UGT2A1: variants seen among roughly 807,000 people sequenced by gnomAD.
The protein encoded by UGT2A1 is UDP-glucuronosyltransferase 2A1.
In UGT2A1, 61 loss-of-function variants were observed where a neutral mutation model predicts 45.4. That is an observed-to-expected ratio of 1.34 (90% CI 1.09 to 1.66). UGT2A1 has a LOEUF of 1.66. Ranked by LOEUF, UGT2A1 falls within the 40% of genes most tolerant of loss-of-function variation. UGT2A1 has a pLI of 0.00. For missense variants in UGT2A1, 649 were observed against 574.3 expected (o/e 1.13, Z -1.33); for synonymous variants, 229 against 196.2 (o/e 1.17, Z -1.40).
chr4:69,645,508 C>G (rs1198961870), intron 2 of UGT2A1, among the ~76,000 whole-genome samples: 1 of 151,700 alleles, frequency 6.6e-6, no homozygotes, highest in Non-Finnish European at 1.5e-5. Flanking sequence ...CACCTGCTCT[C>G]CCAATTGTGT....
chr4:69,614,006 G>T (rs577960532), intron 3 of UGT2A1, among the ~76,000 whole-genome samples: 4 of 151,924 alleles, frequency 2.6e-5, no homozygotes, highest in Non-Finnish European at 4.4e-5. Flanking sequence ...GAAGTAAAGG[G>T]CATTCAAATT....
At chr4:69,626,800 G>A (rs1196470861) in intron 3 of UGT2A1, among the ~76,000 whole-genome samples, 1 of 151,578 alleles carries the variant, frequency 6.6e-6, no homozygotes, top group Non-Finnish European at 1.5e-5. Context: ...TTTATTTTAT[G>A]TGTTCTATTC....
At chr4:69,639,416 A>C (rs923871619) in intron 2 of UGT2A1, 3 of 1,613,222 alleles carry the variant, frequency 1.9e-6, no homozygotes, top group African/African-American at 2.7e-5. Flanking sequence ...TCACAGGAGA[A>C]TCGGGATTGG....
At chr4:69,617,469 G>A (rs532476561) in intron 3 of UGT2A1, among the ~76,000 whole-genome samples, 12 of 151,884 alleles carry the variant, frequency 7.9e-5, no homozygotes, top group African/African-American at 2.4e-4. Context: ...TTATGTGTAC[G>A]TATATACGTA....
intron 3 of UGT2A1, among the ~76,000 whole-genome samples, chr4:69,622,768 C>G (rs2109939338): frequency 6.6e-6 from 1 of 151,746 alleles, no homozygotes. Flanking sequence ...CTTCACATGA[C>G]CCATAGGGTC....
At chr4:69,639,159 A>C in intron 2 of UGT2A1, 1 of 1,613,696 alleles carries the variant, frequency 6.2e-7, no homozygotes, top group Non-Finnish European at 8.5e-7. Context: ...ACAGATTGTT[A>C]CTGGGTCTGC....
intron 1 of UGT2A1, among the ~76,000 whole-genome samples, chr4:69,650,718 A>G (rs2109984331): frequency 6.6e-6 from 1 of 152,252 alleles, no homozygotes; most frequent in South Asian, 2.1e-4. Context: ...AGTGACGTTT[A>G]AAAATATACT....
chr4:69,622,799 A>C (rs1298879289), intron 3 of UGT2A1, among the ~76,000 whole-genome samples: 1 of 151,768 alleles, frequency 6.6e-6, no homozygotes, highest in Non-Finnish European at 1.5e-5. Flanking sequence ...TAGACGTTCA[A>C]GGTCCTCAAA....
rs368655836 is a variant in UGT2A1, at chr4:69,608,757, G to A, written c.848-9363C>T. On this transcript the variant is annotated intron_variant, in intron 3 of 6. Transcript: ENST00000286604. Reference sequence around the variant, plus strand: ...GTTGCCCAGGCTGGAGTGCAGTGGCGCCATCTCAGCTCACTGCAACCTCTG... The same window carrying A: ...GTTGCCCAGGCTGGAGTGCAGTGGCACCATCTCAGCTCACTGCAACCTCTG... 2.7e-4 allele frequency among the ~76,000 whole-genome samples: 41 copies of A among 152,028 alleles called. No individual in the cohort carries two copies. The South Asian group carries it at 6.4e-3, about 24-fold the overall frequency.
intron 4 of UGT2A1, among the ~76,000 whole-genome samples, chr4:69,597,175 C>A (rs1319811): frequency 0.65 from 98,022 of 151,896 alleles, 31,982 homozygotes; most frequent in East Asian, 0.74. Flanking sequence ...TCCTTTGATT[C>A]ATAGGTCTAA....
intron 1 of UGT2A1, among the ~76,000 whole-genome samples, chr4:69,651,964 C>T (rs550999150): frequency 7.9e-5 from 12 of 152,282 alleles, no homozygotes; most frequent in Admixed American, 3.9e-4. Context: ...CGAGGTTAAA[C>T]GGGGCACTTC....
chr4:69,628,009 C>A (rs368251766), intron 3 of UGT2A1, among the ~76,000 whole-genome samples: 276 of 151,958 alleles, frequency 1.8e-3, no homozygotes, highest in African/African-American at 6.4e-3. Flanking sequence ...TGGCCAGAAG[C>A]TATTTTAGGT....
At chr4:69,626,006 C>T (rs1721035474) in intron 3 of UGT2A1, among the ~76,000 whole-genome samples, 1 of 151,482 alleles carries the variant, frequency 6.6e-6, no homozygotes, top group Non-Finnish European at 1.5e-5. Context: ...TTTTAGAGTA[C>T]TTGTCTACTA....
At chr4:69,635,587 T>G (rs1029139902) in intron 3 of UGT2A1, 104 bp downstream of exon 3, 1 of 168,706 alleles carries the variant, frequency 5.9e-6, no homozygotes, top group African/African-American at 2.4e-5. Context: ...CCCAGCAATT[T>G]GTGAGGCCAA....
intron 6 of UGT2A1, among the ~76,000 whole-genome samples, chr4:69,592,168 A>C (rs1204318726): frequency 1.3e-5 from 2 of 152,138 alleles, no homozygotes; most frequent in Non-Finnish European, 2.9e-5. Context: ...CGTTAAGAAA[A>C]AGCACTAAAT....
intron 3 of UGT2A1, among the ~76,000 whole-genome samples, chr4:69,605,848 G>A (rs1268805138): frequency 5.1e-5 from 7 of 136,288 alleles, no homozygotes; most frequent in Non-Finnish European, 7.8e-5. Flanking sequence ...TCCTTGACAC[G>A]TACACCCTCC....
intron 3 of UGT2A1, among the ~76,000 whole-genome samples, chr4:69,627,396 A>G (rs1442510062): frequency 6.6e-6 from 1 of 151,806 alleles, no homozygotes; most frequent in African/African-American, 2.4e-5. Flanking sequence ...GATTCATATG[A>G]TTTTATGCAT....
chr4:69,628,249 T>C lies in UGT2A1; in HGVS notation c.847+7442A>G, dbSNP rs943606957. On this transcript the variant is annotated intron_variant, in intron 3 of 6. Transcript: ENST00000286604. ...TCCCACTGGCATTTTTTTAAAGAAATAGAAAAAACAAAACCAAAATTTATA... is the reference window on the plus strand; with the variant it reads ...TCCCACTGGCATTTTTTTAAAGAAACAGAAAAAACAAAACCAAAATTTATA... 2.7e-5 allele frequency among the ~76,000 whole-genome samples: 4 copies of C among 150,314 alleles called. No homozygotes were observed. In the Admixed American group the frequency reaches 2.7e-4, roughly 10 times the overall value.
At chr4:69,598,907 C>T (rs2109888925) in intron 4 of UGT2A1, among the ~76,000 whole-genome samples, 1 of 152,212 alleles carries the variant, frequency 6.6e-6, no homozygotes, top group East Asian at 1.9e-4. Flanking sequence ...GTAAATATTA[C>T]TGTTCATAAT....
Sources: allele counts gnomAD v4.1 joint callset (sites outside exome capture counted in the v4.1 genomes callset), GRCh38; gene constraint gnomAD v4.1.1; transcripts MANE v1.5; gene names NCBI Gene and HGNC (gene_info 2026-07-23, HGNC 2026-07-21).